Variants in ADAM18 observed in about 807,000 individuals in gnomAD.
The protein encoded by ADAM18 is ADAM metallopeptidase domain 18, also known as disintegrin and metalloproteinase domain-containing protein 18.
ADAM18 carries 117 observed loss-of-function variants against 94.4 expected under a neutral mutation model. The ratio of observed to expected loss-of-function variants is 1.24; its 90% confidence interval spans 1.07 to 1.45. The LOEUF (loss-of-function observed/expected upper bound fraction) is 1.45. Among genes scored for constraint, ADAM18 ranks in the 40% most tolerant of loss-of-function variants. The pLI is 0.00. For missense variants in ADAM18, 936 were observed against 880.0 expected, an observed-to-expected ratio of 1.06 and a Z score of -0.81; for synonymous variants, 327 against 291.6, an observed-to-expected ratio of 1.12 and a Z score of -1.24.
At chr8:39,709,055 G>A (rs1376843334) in intron 18 of ADAM18, among the ~76,000 whole-genome samples, 1 of 152,206 alleles carries the variant, frequency 6.6e-6, no homozygotes, top group African/African-American at 2.4e-5. Context: ...AGGGCAAAGA[G>A]CCAGTGTGAC....
intron 17 of ADAM18, among the ~76,000 whole-genome samples, chr8:39,693,485 A>C (rs944081357): frequency 2.6e-5 from 4 of 151,112 alleles, no homozygotes; most frequent in African/African-American, 7.3e-5. Context: ...ATTTTTTACA[A>C]TATCTCAACA....
chr8:39,690,392 A>G (rs977338619), intron 16 of ADAM18, among the ~76,000 whole-genome samples: 6 of 152,036 alleles, frequency 3.9e-5, no homozygotes, highest in African/African-American at 1.2e-4. Flanking sequence ...TCCCATGGGC[A>G]GGGGGCACTT....
At position 39,695,145 on chromosome 8, in the gene ADAM18, G is replaced by T. The variant is rs537011403; in HGVS notation, c.1902+2465G>T. Among the ~76,000 whole-genome samples the T allele has an allele frequency of 1.3e-5, 2 of 151,486 alleles. 1 individual carries two copies. The highest frequency in any genetic ancestry group is 3.9e-4 in the East Asian group (2 of 5,176). On this transcript the variant is annotated intron_variant, in intron 17 of 19. Transcript: ENST00000265707. ...CATTCATCTATTAAAGGACAATGTG[G>T]GTTTTTCTTTTTCCATTTTGGGCAA...
chr8:39,689,659 A>C (rs1372936946), intron 16 of ADAM18, among the ~76,000 whole-genome samples: 1 of 152,132 alleles, frequency 6.6e-6, no homozygotes, highest in East Asian at 1.9e-4. Flanking sequence ...TTTGCATAGG[A>C]TTGCATTGGC....
At chr8:39,726,651 C>T (rs1350933730) in intron 19 of ADAM18, among the ~76,000 whole-genome samples, 2 of 152,090 alleles carry the variant, frequency 1.3e-5, no homozygotes, top group Non-Finnish European at 2.9e-5. Context: ...AGCTTTCTCT[C>T]TATTTTCTGC....
At chr8:39,712,549 G>T (rs555757403) in intron 18 of ADAM18, among the ~76,000 whole-genome samples, 15 of 152,226 alleles carry the variant, frequency 9.9e-5, no homozygotes, top group African/African-American at 3.1e-4. Flanking sequence ...AAACCCCATT[G>T]TCTCAGCCAA....
In ADAM18 at chr8:39,683,861, T is replaced by C. The variant is rs555143520; in HGVS notation, c.1821+3635T>C. On this transcript the variant is annotated intron_variant, in intron 16 of 19. Transcript: ENST00000265707. ...ACTTACTTTTTTTGGTTGAATTGTA[T>C]ATTTAGTTTTATTTGACAAACAAAA... Among the ~76,000 whole-genome samples the C allele has an allele frequency of 5.2e-4, 79 of 152,332 alleles. 1 individual carries two copies. The highest frequency in any genetic ancestry group is 1.8e-3 in the African/African-American group (74 of 41,572).
chr8:39,651,420 A>T (rs969497137), intron 12 of ADAM18, among the ~76,000 whole-genome samples: 1 of 152,182 alleles, frequency 6.6e-6, no homozygotes, highest in Admixed American at 6.5e-5. Context: ...ATGGAGAGAA[A>T]CCTTGGACAA....
At chr8:39,657,516 A>G (rs1389605124) in intron 12 of ADAM18, among the ~76,000 whole-genome samples, 1 of 152,006 alleles carries the variant, frequency 6.6e-6, no homozygotes, top group Non-Finnish European at 1.5e-5. Flanking sequence ...AGATTTTGCT[A>G]TGTTGCCCAG....
intron 13 of ADAM18, among the ~76,000 whole-genome samples, chr8:39,665,105 C>T (rs1820961244): frequency 6.6e-6 from 1 of 152,160 alleles, no homozygotes; most frequent in African/African-American, 2.4e-5. Context: ...TCCATGACTC[C>T]ACCCGCAGCC....
chr8:39,703,391 G>T (rs1166719091), intron 17 of ADAM18, among the ~76,000 whole-genome samples: 4 of 152,114 alleles, frequency 2.6e-5, no homozygotes, highest in African/African-American at 9.7e-5. Flanking sequence ...CTGAGACAAT[G>T]AGGTTATTTT....
chr8:39,695,989 A>G (rs1041873130), intron 17 of ADAM18, among the ~76,000 whole-genome samples: 2 of 151,646 alleles, frequency 1.3e-5, no homozygotes, highest in African/African-American at 4.8e-5. Flanking sequence ...CAGAATCACC[A>G]TATTATTTGC....
At chr8:39,699,004 C>T (rs894929539) in intron 17 of ADAM18, among the ~76,000 whole-genome samples, 2 of 152,008 alleles carry the variant, frequency 1.3e-5, no homozygotes, top group African/African-American at 4.8e-5. Flanking sequence ...GCTGTATGAT[C>T]TAGCCCTTCA....
intron 12 of ADAM18, among the ~76,000 whole-genome samples, chr8:39,653,726 AG>A (rs1298465005): frequency 2.0e-4 from 31 of 152,230 alleles, no homozygotes; most frequent in African/African-American, 7.5e-4. Flanking sequence ...GATATATCAT[AG>A]TTGTACATAT....
At chr8:39,614,481 A>G (rs1007968178) in intron 6 of ADAM18, among the ~76,000 whole-genome samples, 1 of 152,188 alleles carries the variant, frequency 6.6e-6, no homozygotes, top group Non-Finnish European at 1.5e-5. Flanking sequence ...AATGCTAAAC[A>G]TGGAAACAAA....
rs376088868 is a variant in ADAM18 at position 39,680,074 on chromosome 8, C to G, written c.1669C>G (p.His557Asp). 15 of 1,613,688 alleles carry G rather than the reference C, an allele frequency of 9.3e-6. No homozygotes were observed. Among genetic ancestry groups the G allele is most frequent in the Non-Finnish European group, 1.3e-5 (15 of 1,179,822 alleles). Reference sequence around the variant, plus strand: ...TGGAAAATTAGCTTGTGTTCAGCCACATAAAAATGCTAATAAAAGTGACGC... The same window carrying G: ...TGGAAAATTAGCTTGTGTTCAGCCAGATAAAAATGCTAATAAAAGTGACGC... ...LCGKLACVQPHKNANKSDAQS... is the reference protein window; with the variant it reads ...LCGKLACVQPDKNANKSDAQS... The change falls in exon 16 of 20, where the codon CAT becomes GAT. Residue 557 changes from histidine to aspartate, a missense_variant. Physicochemically the swap from His to Asp is moderately conservative, Grantham distance 81 (BLOSUM62 -1). Transcript: ENST00000265707.
At chr8:39,687,391 G>A (rs1372773317) in intron 16 of ADAM18, among the ~76,000 whole-genome samples, 1 of 152,120 alleles carries the variant, frequency 6.6e-6, no homozygotes, top group East Asian at 1.9e-4. Flanking sequence ...TAACTTAAGA[G>A]TTCATCAATT....
At chr8:39,589,533 A>G (rs1461710775) in intron 2 of ADAM18, among the ~76,000 whole-genome samples, 1 of 152,024 alleles carries the variant, frequency 6.6e-6, no homozygotes, top group Non-Finnish European at 1.5e-5. Context: ...TATGTTATGT[A>G]TATCAAGATG....
chr8:39,657,002 A>T (rs1820702947), intron 12 of ADAM18, among the ~76,000 whole-genome samples: 1 of 152,248 alleles, frequency 6.6e-6, no homozygotes, highest in African/African-American at 2.4e-5. Flanking sequence ...CATAAATGTG[A>T]TCCAGAATTT....
Sources: allele counts gnomAD v4.1 joint callset (sites outside exome capture counted in the v4.1 genomes callset), GRCh38; gene constraint gnomAD v4.1.1; transcripts MANE v1.5; gene names NCBI Gene and HGNC (gene_info 2026-07-23, HGNC 2026-07-21).